PIEZO2: variants seen among roughly 807,000 people sequenced by gnomAD.
PIEZO2 encodes the protein piezo type mechanosensitive ion channel component 2.
Under a neutral mutation model 337.3 loss-of-function variants are expected in PIEZO2, and 172 were observed. That is an observed-to-expected ratio of 0.51 (90% confidence interval 0.45 to 0.58). PIEZO2 has a LOEUF of 0.58. PIEZO2 is among the 20% of genes least tolerant of loss of function. The pLI, the probability that PIEZO2 is intolerant of heterozygous loss-of-function variation, is 0.00. For synonymous variants in PIEZO2, 1,251 were observed against 1,228.5 expected (o/e 1.02, Z -0.38); for missense variants, 3,028 against 3,391.3 (o/e 0.89, Z 2.66).
intron 3 of PIEZO2, among the ~76,000 whole-genome samples, chr18:10,927,033 G>A (rs1210930635): frequency 1.3e-5 from 2 of 152,124 alleles, no homozygotes; most frequent in Non-Finnish European, 1.5e-5. Flanking sequence ...TTCACTTAGT[G>A]GCCACAAGGA....
chr18:10,753,803 A>G (rs147445381), intron 27 of PIEZO2, among the ~76,000 whole-genome samples: 3 of 152,322 alleles, frequency 2.0e-5, no homozygotes, highest in African/African-American at 4.8e-5. Context: ...TTTTCAGATA[A>G]GTAAACTTTT....
chr18:11,012,592 T>C (rs1433432965), intron 2 of PIEZO2, among the ~76,000 whole-genome samples: 1 of 152,262 alleles, frequency 6.6e-6, no homozygotes, highest in African/African-American at 2.4e-5. Flanking sequence ...CGATTGATTT[T>C]TTTTTAAACC....
Position 10,807,243 on chromosome 18 carries a change from C to A in PIEZO2, c.949G>T (p.Asp317Tyr). ...LFGIKSVIQTDCSSTWKIIVN... is the reference protein window; with the variant it reads ...LFGIKSVIQTYCSSTWKIIVN... Reference sequence around the variant, plus strand: ...ATGATCTTCCAAGTACTTGAACAGTCCGTTTGAATTACTGACTTGATACCA... The same window carrying A: ...ATGATCTTCCAAGTACTTGAACAGTACGTTTGAATTACTGACTTGATACCA... Residue 317 changes from aspartate to tyrosine, a missense_variant, in exon 8 of 56, where the codon GAC becomes TAC. Asp to Tyr is a radical substitution (Grantham distance 160). This residue lies in a region of PIEZO2 where 542 missense variants were observed against 605.6 expected (regional missense o/e 0.89). Coordinates refer to ENST00000674853, the MANE Select transcript of PIEZO2 (RefSeq NM_001378183.1). 12 of 1,537,000 alleles carry A rather than the reference C, an allele frequency of 7.8e-6. No homozygotes were observed. Among genetic ancestry groups the A allele is most frequent in the Non-Finnish European group, 9.6e-6 (11 of 1,146,784 alleles).
chr18:10,677,841 TTGCTATTTCCG>T lies in PIEZO2; in HGVS notation c.7976_7986del (p.Ser2659TyrfsTer3). 1 of 1,603,350 alleles carries T rather than the reference TTGCTATTTCCG, an allele frequency of 6.2e-7. No individual in the cohort carries two copies. Among genetic ancestry groups the T allele is most frequent in the East Asian group, 2.2e-5 (1 of 44,812 alleles). On this transcript the variant is annotated frameshift_variant, in exon 53 of 56. Transcript: ENST00000674853. LOFTEE classifies it high-confidence loss of function. The surrounding 1 kb of genome is among the most constrained non-coding windows in gnomAD (Gnocchi z 4.1). ...TTAAGAGGAAAAGAAAGCTTATCTG[TTGCTATTTCCG>T]ATTTTGCACCCAGACTTAAGTTTCT... is the stretch of plus-strand genomic sequence containing the variant.
chr18:10,979,455 T>G lies in PIEZO2; in HGVS notation c.286+80A>C. 1 of 1,276,506 alleles carries G rather than the reference T, an allele frequency of 7.8e-7. No individual in the cohort carries two copies. The highest frequency in any genetic ancestry group is 3.1e-5 in the Admixed American group (1 of 31,758). 79.1% of individuals were successfully genotyped at this position (1,276,506 alleles called of 1,614,324 possible). A position where few individuals can be genotyped will look rare whatever the true frequency, so the allele number is the denominator to read the frequency against. On this transcript the variant is annotated intron_variant, in intron 3 of 55. Transcript: ENST00000674853. This position sits in a 1 kb window ranked among gnomAD's most constrained non-coding sequence, Gnocchi z 4.0. ...TAATTATTGCATAGATTTCTATGTG[T>G]GCGATGACACACAGCTTTATTATGC...
In PIEZO2 at chr18:10,854,989, G is replaced by A. The variant is rs1199057452; in HGVS notation, c.917+364C>T. On this transcript the variant is annotated intron_variant, in intron 7 of 55. Coordinates refer to ENST00000674853, the MANE Select transcript of PIEZO2 (RefSeq NM_001378183.1). The surrounding 1 kb of genome is among the most constrained non-coding windows in gnomAD (Gnocchi z 4.6). ...ACGCTTAATTTGTTCTCGTATATTA[G>A]GCCCATGAAACGCCTTTCTAGCTGG... Among the ~76,000 whole-genome samples the A allele has an allele frequency of 2.0e-5, 3 of 152,118 alleles. No homozygotes were observed. Among genetic ancestry groups the A allele is most frequent in the African/African-American group, 7.2e-5 (3 of 41,408 alleles).
At position 11,096,246 on chromosome 18, in the gene PIEZO2, A is replaced by G. The variant is rs1009288751; in HGVS notation, c.65-30024T>C. Among the ~76,000 whole-genome samples the G allele has an allele frequency of 6.6e-5, 10 of 152,236 alleles. No homozygotes were observed. The highest frequency in any genetic ancestry group is 1.0e-4 in the Non-Finnish European group (7 of 68,032). ...AGAAGGACCACGTGCCCTTTGCCAG[A>G]CCAAGCCTGTCCACCCAATGGAACC... On this transcript the variant is annotated intron_variant, in intron 1 of 55. Transcript: ENST00000674853. This position sits in a 1 kb window ranked among gnomAD's most constrained non-coding sequence, Gnocchi z 4.6.
intron 4 of PIEZO2, among the ~76,000 whole-genome samples, chr18:10,905,440 G>A (rs112014893): frequency 0.073 from 11,067 of 152,040 alleles, 424 homozygotes; most frequent in African/African-American, 0.09. Context: ...AAAATTAGCC[G>A]GGTGTGGTGG....
intron 1 of PIEZO2, among the ~76,000 whole-genome samples, chr18:11,145,751 T>C (rs987287658): frequency 6.6e-6 from 1 of 152,192 alleles, no homozygotes; most frequent in African/African-American, 2.4e-5. Flanking sequence ...TCAGCCCTCT[T>C]TCATCCCTGT....
chr18:11,019,804 C>T (rs1158023059), intron 2 of PIEZO2, among the ~76,000 whole-genome samples: 1 of 152,146 alleles, frequency 6.6e-6, no homozygotes, highest in Non-Finnish European at 1.5e-5. Flanking sequence ...TCTATCTCAT[C>T]ATCTTGTTTG....
intron 9 of PIEZO2, 126 bp from the exon 10 acceptor site, chr18:10,801,554 AT>A (rs2039816340): frequency 1.3e-6 from 1 of 794,676 alleles, no homozygotes; most frequent in Admixed American, 2.6e-5. Context: ...TAGTATATTA[AT>A]ATTGCCATGC....
chr18:10,829,619 C>T (rs2040783234), intron 7 of PIEZO2, among the ~76,000 whole-genome samples: 1 of 151,998 alleles, frequency 6.6e-6, no homozygotes, highest in Admixed American at 6.6e-5. Context: ...ATATAAAAAT[C>T]AACATACAAA....
rs1378314458 is a variant in PIEZO2, at chr18:11,148,568, G to A, written c.21C>T (p.Cys7=). Reference sequence around the variant, plus strand: ...GCAGCAGCAGCCTGAAGATGAGCCCGCACACCACTTCTGAGGCCATCGCGT... The same window carrying A: ...GCAGCAGCAGCCTGAAGATGAGCCCACACACCACTTCTGAGGCCATCGCGT... MASEVV[C]GLIFRLLLPI... is the part of the protein sequence containing the mutation. The change falls in exon 1 of 56, where the codon TGC becomes TGT. Residue 7 remains cysteine (C), a synonymous_variant. Transcript: ENST00000674853. This position sits in a 1 kb window ranked among gnomAD's most constrained non-coding sequence, Gnocchi z 5.2. The A allele has an allele frequency of 2.0e-6, 3 of 1,537,118 alleles. No homozygotes were observed. In the East Asian group the frequency reaches 7.3e-5, roughly 38 times the overall value.
chr18:10,742,484 C>G lies in PIEZO2; in HGVS notation c.4636+10G>C. 1 of 1,537,058 alleles carries G rather than the reference C, an allele frequency of 6.5e-7. No individual in the cohort carries two copies. The highest frequency in any genetic ancestry group is 8.7e-7 in the Non-Finnish European group (1 of 1,146,820). On this transcript the variant is annotated intron_variant, in intron 32 of 55. Coordinates refer to ENST00000674853, the MANE Select transcript of PIEZO2 (RefSeq NM_001378183.1). ...TAAAACTTGAATAAGAGGAAAATGTCTTGACATACTTTCATCATCCTCTTC... is the reference window on the plus strand; with the variant it reads ...TAAAACTTGAATAAGAGGAAAATGTGTTGACATACTTTCATCATCCTCTTC...
At position 10,770,185 on chromosome 18, in the gene PIEZO2, A is replaced by G; in HGVS notation, c.2909T>C (p.Ile970Thr). The G allele has an allele frequency of 2.0e-6, 3 of 1,537,298 alleles. No homozygotes were observed. Among genetic ancestry groups the G allele is most frequent in the East Asian group, 2.4e-5 (1 of 40,906 alleles). The change falls in exon 21 of 56, where the codon ATC becomes ACC. Residue 970 changes from isoleucine to threonine, a missense_variant. Ile to Thr is a moderately conservative substitution (Grantham distance 89). Coordinates refer to ENST00000674853, the MANE Select transcript of PIEZO2 (RefSeq NM_001378183.1). ...WWILELHIIK[I>T]VSSYIIWVSV... Reference sequence around the variant, plus strand: ...AACCCAGATAATGTAAGAGGAAACGATTTTGATGATGTGCAACTCCAAAAT... The same window carrying G: ...AACCCAGATAATGTAAGAGGAAACGGTTTTGATGATGTGCAACTCCAAAAT...
intron 31 of PIEZO2, 149 bp from the exon 32 acceptor site, chr18:10,742,764 A>T (rs2037274041): frequency 1.3e-6 from 1 of 769,494 alleles, no homozygotes; most frequent in East Asian, 2.7e-5. Context: ...GTTGCTCATT[A>T]GCAACAAGGA....
intron 2 of PIEZO2, among the ~76,000 whole-genome samples, chr18:11,024,888 C>A (rs140411683): frequency 6.6e-6 from 1 of 151,564 alleles, no homozygotes; most frequent in Non-Finnish European, 1.5e-5. Flanking sequence ...ATCTGCCCCC[C>A]GTGGCCTCCC....
At chr18:10,922,192 T>C (rs1178863362) in intron 3 of PIEZO2, among the ~76,000 whole-genome samples, 2 of 152,116 alleles carry the variant, frequency 1.3e-5, no homozygotes, top group Non-Finnish European at 2.9e-5. Flanking sequence ...TTTTGCGGCT[T>C]GTGGGGCATC....
chr18:11,093,922 A>C (rs2039179672), intron 1 of PIEZO2, among the ~76,000 whole-genome samples: 1 of 152,050 alleles, frequency 6.6e-6, no homozygotes, highest in Non-Finnish European at 1.5e-5. Flanking sequence ...GAGCAGCATA[A>C]GTCTCGGATA....
Sources: allele counts gnomAD v4.1 joint callset (sites outside exome capture counted in the v4.1 genomes callset), GRCh38; gene constraint gnomAD v4.1.1; regional missense constraint gnomAD v4.1.1; non-coding constraint Gnocchi (gnomAD v3.1); transcripts MANE v1.5; gene names NCBI Gene and HGNC (gene_info 2026-07-23, HGNC 2026-07-21).